The following STXBP5 variants were observed in gnomAD, a reference collection of about 807,000 sequenced individuals.
STXBP5 encodes syntaxin-binding protein 5.
Under a neutral mutation model 152.4 loss-of-function variants are expected in STXBP5, and 50 were observed. The ratio of observed to expected loss-of-function variants is 0.33; its 90% CI spans 0.26 to 0.42. The LOEUF (loss-of-function observed/expected upper bound fraction) is 0.42. Ranked by LOEUF, STXBP5 falls within the 10% of genes least tolerant of loss-of-function variation. The pLI, the probability that STXBP5 is intolerant of heterozygous loss-of-function variation, is 1.00. For missense variants in STXBP5, 1,167 were observed against 1,388.6 expected (o/e 0.84, Z 2.54); for synonymous variants, 492 against 494.7 (o/e 0.99, Z 0.07).
At position 147,359,941 on chromosome 6, in the gene STXBP5, A is replaced by G. The variant is rs376582541; in HGVS notation, c.2545+618A>G. Reference sequence around the variant, plus strand: ...CCAGAATCTACAATGAACTCAAACAAATTTACAAGAAAAAAACAAACAACC... The same window carrying G: ...CCAGAATCTACAATGAACTCAAACAGATTTACAAGAAAAAAACAAACAACC... On this transcript the variant is annotated intron_variant, in intron 23 of 27. Coordinates refer to ENST00000321680, the MANE Select transcript of STXBP5 (RefSeq NM_001127715.4). Among the ~76,000 whole-genome samples, 7 of 152,168 alleles carry G rather than the reference A, an allele frequency of 4.6e-5. No individual in the cohort carries two copies. The East Asian group carries it at 9.6e-4, about 21-fold the overall frequency.
chr6:147,378,242 C>T lies in STXBP5; in HGVS notation c.3193+4400C>T, dbSNP rs189348934. ...ACTCATTTTGTGTGGCTAACACAACCTTGATACCAAAAACCAAAATAGTAT... is the reference window on the plus strand; with the variant it reads ...ACTCATTTTGTGTGGCTAACACAACTTTGATACCAAAAACCAAAATAGTAT... On this transcript the variant is annotated intron_variant, in intron 26 of 27. Transcript: ENST00000321680. Among the ~76,000 whole-genome samples, 10 of 151,878 alleles carry T rather than the reference C, an allele frequency of 6.6e-5. No individual in the cohort carries two copies. In the East Asian group the frequency reaches 1.6e-3, roughly 24 times the overall value.
chr6:147,287,423 C>T (rs1147845), intron 8 of STXBP5, among the ~76,000 whole-genome samples: 2 of 151,118 alleles, frequency 1.3e-5, no homozygotes, highest in South Asian at 2.1e-4. Context: ...GGGATGGTCT[C>T]GATCTCCTGA....
At chr6:147,332,420 G>A (rs747530836) in intron 18 of STXBP5, among the ~76,000 whole-genome samples, 7 of 152,202 alleles carry the variant, frequency 4.6e-5, no homozygotes, top group Non-Finnish European at 1.0e-4. Flanking sequence ...AAAATAGAGT[G>A]TCTAGATGAT....
intron 21 of STXBP5, among the ~76,000 whole-genome samples, chr6:147,349,021 C>T (rs1784469844): frequency 6.6e-6 from 1 of 151,884 alleles, no homozygotes. Context: ...TCCAAATTTG[C>T]TATGAAAACA....
chr6:147,321,362 G>T (rs918886480), intron 16 of STXBP5, among the ~76,000 whole-genome samples: 1 of 152,054 alleles, frequency 6.6e-6, no homozygotes, highest in Non-Finnish European at 1.5e-5. Flanking sequence ...CCAAGGAAGG[G>T]GATTGATTGA....
intron 7 of STXBP5, among the ~76,000 whole-genome samples, chr6:147,274,269 C>G (rs1050639950): frequency 1.3e-5 from 2 of 152,044 alleles, no homozygotes; most frequent in Admixed American, 1.3e-4. Context: ...TTCATTCATT[C>G]ATTCTTCTTT....
At chr6:147,313,432 T>C (rs957938315) in intron 11 of STXBP5, among the ~76,000 whole-genome samples, 1 of 152,162 alleles carries the variant, frequency 6.6e-6, no homozygotes, top group Non-Finnish European at 1.5e-5. Context: ...AAGAAAAATA[T>C]TCTGAATTAA....
intron 3 of STXBP5, among the ~76,000 whole-genome samples, chr6:147,236,777 TC>T (rs1178484061): frequency 6.7e-6 from 1 of 149,224 alleles, no homozygotes; most frequent in Non-Finnish European, 1.5e-5. Context: ...ACCTGTTCTG[TC>T]TTTTTTTTTT....
intron 4 of STXBP5, among the ~76,000 whole-genome samples, chr6:147,246,239 T>A (rs958885628): frequency 1.3e-5 from 2 of 152,214 alleles, no homozygotes; most frequent in Non-Finnish European, 2.9e-5. Context: ...CGTGGGTTGA[T>A]CAGCAGCTAC....
chr6:147,208,848 G>A (rs1009853710), intron 2 of STXBP5, among the ~76,000 whole-genome samples: 2 of 152,020 alleles, frequency 1.3e-5, no homozygotes, highest in African/African-American at 4.8e-5. Flanking sequence ...TGTAGACAAG[G>A]ATTAGTGAAA....
intron 16 of STXBP5, among the ~76,000 whole-genome samples, chr6:147,321,347 T>C (rs1366040812): frequency 6.6e-6 from 1 of 152,164 alleles, no homozygotes; most frequent in Admixed American, 6.5e-5. Context: ...AGCAGCTGTT[T>C]AAGACCAAGG....
At chr6:147,319,825 ATTC>A (rs1782824901) in intron 16 of STXBP5, among the ~76,000 whole-genome samples, 3 of 112,098 alleles carry the variant, frequency 2.7e-5, no homozygotes, top group African/African-American at 6.7e-5. Flanking sequence ...ACCTATCTGG[ATTC>A]TTTTTTTTTT....
intron 8 of STXBP5, among the ~76,000 whole-genome samples, chr6:147,285,706 A>G (rs932979193): frequency 6.6e-6 from 1 of 152,176 alleles, no homozygotes; most frequent in Admixed American, 6.5e-5. Flanking sequence ...GAGCAAGAAG[A>G]AAGTTAAGAA....
intron 2 of STXBP5, among the ~76,000 whole-genome samples, chr6:147,214,790 A>C (rs1582793585): frequency 6.6e-6 from 1 of 152,224 alleles, no homozygotes; most frequent in African/African-American, 2.4e-5. Flanking sequence ...ATGAAAAAAT[A>C]CCGTGCAGTC....
At chr6:147,265,821 T>C (rs961769542) in intron 6 of STXBP5, among the ~76,000 whole-genome samples, 1 of 152,014 alleles carries the variant, frequency 6.6e-6, no homozygotes, top group African/African-American at 2.4e-5. Flanking sequence ...TAAAAACTAA[T>C]CCTTGCCCCG....
rs1220006045 is a variant in STXBP5, at chr6:147,334,216, A to G, written c.2140A>G (p.Thr714Ala). Residue 714 changes from threonine (T) to alanine (A), a missense_variant, in exon 19 of 28, where the codon ACC becomes GCC. Transcript: ENST00000321680. ...TCCAGAGGATCGCTGCAAATCTCCAACCTCTGGTAATTTGGTTTTTTTTTA... is the reference window on the plus strand; with the variant it reads ...TCCAGAGGATCGCTGCAAATCTCCAGCCTCTGGTAATTTGGTTTTTTTTTA... ...VVPEDRCKSP[T>A]SGSSSPHNSD... 1.9e-6 allele frequency: 3 copies of G among 1,610,878 alleles called. No individual in the cohort carries two copies. The highest frequency in any genetic ancestry group is 2.7e-5 in the African/African-American group (2 of 74,726).
chr6:147,205,617 A>C (rs756532781), intron 1 of STXBP5, among the ~76,000 whole-genome samples: 1 of 152,178 alleles, frequency 6.6e-6, no homozygotes, highest in Non-Finnish European at 1.5e-5. Context: ...GCCAAAATAA[A>C]GTATGAATTG....
intron 2 of STXBP5, among the ~76,000 whole-genome samples, chr6:147,219,847 A>AT (rs1375268624): frequency 4.7e-5 from 2 of 42,834 alleles, no homozygotes; most frequent in African/African-American, 2.0e-4. Context: ...AGTTTTGTTG[A>AT]TTTTTCTCTT....
At chr6:147,366,160 G>A (rs1396396268) in intron 25 of STXBP5, among the ~76,000 whole-genome samples, 1 of 152,200 alleles carries the variant, frequency 6.6e-6, no homozygotes, top group African/African-American at 2.4e-5. Context: ...AGAGAAAAGA[G>A]CTACAAAGAG....
Sources: allele counts gnomAD v4.1 joint callset (sites outside exome capture counted in the v4.1 genomes callset), GRCh38; gene constraint gnomAD v4.1.1; transcripts MANE v1.5; gene names NCBI Gene and HGNC (gene_info 2026-07-23, HGNC 2026-07-21).